ROBO2: variants seen among roughly 807,000 people sequenced by gnomAD.
ROBO2 encodes the protein roundabout homolog 2.
A neutral mutation model predicts 160.8 loss-of-function variants in ROBO2; 53 were observed. The ratio of observed to expected loss-of-function variants is 0.33; its 90% CI spans 0.26 to 0.41. The LOEUF is 0.41. ROBO2 is among the 10% of genes least tolerant of loss of function. The probability of loss-of-function intolerance (pLI) is 1.00; values close to 1 mark genes in which losing one functional copy is unlikely to be tolerated. For missense variants in ROBO2, 1,577 were observed against 1,722.4 expected (o/e 0.92, Z 1.49); for synonymous variants, 664 against 611.7 (o/e 1.09, Z -1.26).
chr3:76,304,738 T>TTTCCTTCCTTCCTTC (rs749689673), intron 2 of ROBO2, among the ~76,000 whole-genome samples: 2,986 of 28,698 alleles, frequency 0.1, 51 homozygotes, highest in Non-Finnish European at 0.18. Flanking sequence ...CTTTCTTTTC[T>TTTCCTTCCTTCCTTC]TTTCTTTCCT....
intron 2 of ROBO2, among the ~76,000 whole-genome samples, chr3:76,706,682 T>A (rs918788097): frequency 6.6e-6 from 1 of 152,180 alleles, no homozygotes; most frequent in East Asian, 1.9e-4. Context: ...ATTTTATTCT[T>A]ATTTGGAAAC....
At chr3:77,187,705 A>G (rs2081404021) in intron 2 of ROBO2, among the ~76,000 whole-genome samples, 1 of 151,930 alleles carries the variant, frequency 6.6e-6, no homozygotes, top group Non-Finnish European at 1.5e-5. Context: ...TTCATATTAA[A>G]TTGTAGAAAA....
intron 1 of ROBO2, among the ~76,000 whole-genome samples, chr3:77,047,268 C>G (rs2064764925): frequency 6.6e-6 from 1 of 152,184 alleles, no homozygotes; most frequent in Non-Finnish European, 1.5e-5. Context: ...GCAATCACTA[C>G]TGAATGAGTA....
At chr3:77,068,621 A>T (rs1354876974) in intron 1 of ROBO2, among the ~76,000 whole-genome samples, 1 of 152,144 alleles carries the variant, frequency 6.6e-6, no homozygotes, top group Non-Finnish European at 1.5e-5. Flanking sequence ...TTAAAATATA[A>T]TTCAAACTCA....
At chr3:77,388,334 A>G (rs2074353216) in intron 2 of ROBO2, among the ~76,000 whole-genome samples, 1 of 152,176 alleles carries the variant, frequency 6.6e-6, no homozygotes, top group Admixed American at 6.5e-5. Context: ...CAATCACTTA[A>G]GCCCAAGGAG....
At chr3:76,319,662 T>A (rs1576402090) in intron 2 of ROBO2, among the ~76,000 whole-genome samples, 1 of 152,028 alleles carries the variant, frequency 6.6e-6, no homozygotes, top group East Asian at 1.9e-4. Flanking sequence ...AGCTCCAGCA[T>A]TGAACCTGTT....
chr3:77,119,040 G>C (rs7649552), intron 2 of ROBO2, among the ~76,000 whole-genome samples: 26,393 of 151,964 alleles, frequency 0.17, 3,750 homozygotes, highest in African/African-American at 0.39. Context: ...GTGCTGCTCT[G>C]ATGAATGGTA....
rs146864664 is a variant in ROBO2 at position 76,697,957 on chromosome 3, A to G, written c.110-400057A>G. Among the ~76,000 whole-genome samples, 11 of 152,262 alleles carry G rather than the reference A, an allele frequency of 7.2e-5. No individual in the cohort carries two copies. The East Asian group carries it at 2.1e-3, about 29-fold the overall frequency. On this transcript the variant is annotated intron_variant, in intron 2 of 26. Transcript: ENST00000487694. ...ATGCCTGTAGAAGCTCCTCTATTTTATTCATTGGTTGGAAGAACTGGATGT... is the reference window on the plus strand; with the variant it reads ...ATGCCTGTAGAAGCTCCTCTATTTTGTTCATTGGTTGGAAGAACTGGATGT...
intron 5 of ROBO2, among the ~76,000 whole-genome samples, chr3:77,499,856 C>A (rs1172487148): frequency 6.6e-6 from 1 of 151,966 alleles, no homozygotes; most frequent in Non-Finnish European, 1.5e-5. Context: ...ACCATGTTGG[C>A]CAGGCTCGTC....
chr3:77,158,762 TAA>T (rs1340413205), intron 2 of ROBO2, among the ~76,000 whole-genome samples: 1 of 152,070 alleles, frequency 6.6e-6, no homozygotes, highest in Non-Finnish European at 1.5e-5. Context: ...GCGGAGCTGT[TAA>T]GTTATTTATT....
chr3:77,098,856 A>G (rs977295941), intron 2 of ROBO2, among the ~76,000 whole-genome samples: 6 of 124,744 alleles, frequency 4.8e-5, no homozygotes, highest in African/African-American at 2.9e-4. Context: ...ACTCCGTCTC[A>G]AAAAAACAAA....
intron 2 of ROBO2, among the ~76,000 whole-genome samples, chr3:77,342,120 T>C (rs2067131640): frequency 6.6e-6 from 1 of 152,142 alleles, no homozygotes; most frequent in Non-Finnish European, 1.5e-5. Context: ...GATATTCTAG[T>C]ATGGTACAAT....
chr3:77,206,376 G>A (rs1004766231), intron 2 of ROBO2, among the ~76,000 whole-genome samples: 9 of 151,932 alleles, frequency 5.9e-5, no homozygotes, highest in African/African-American at 2.2e-4. Flanking sequence ...TACCACACTG[G>A]CCAGGCTGGT....
rs181245956 is a variant in ROBO2, at chr3:76,708,203, T to C, written c.110-389811T>C. ...TTTCTTTGCCTAGAATACCCTAGCA[T>C]AGGGAAATATGAAAATATTTTCTCT... On this transcript the variant is annotated intron_variant, in intron 2 of 26. Transcript: ENST00000487694. 2.0e-5 allele frequency among the ~76,000 whole-genome samples: 3 copies of C among 152,290 alleles called. No individual in the cohort carries two copies. In the East Asian group the frequency reaches 5.8e-4, roughly 29 times the overall value.
chr3:77,293,600 C>A (rs1580777642), intron 2 of ROBO2, among the ~76,000 whole-genome samples: 1 of 144,998 alleles, frequency 6.9e-6, no homozygotes, highest in Non-Finnish European at 1.5e-5. Context: ...GGCTAGATCA[C>A]CCCAGACACA....
chr3:76,749,773 G>T (rs2093950456), intron 2 of ROBO2, among the ~76,000 whole-genome samples: 1 of 152,028 alleles, frequency 6.6e-6, no homozygotes, highest in African/African-American at 2.4e-5. Context: ...AGGGTGATTG[G>T]CAGTCTGTTG....
chr3:77,292,586 T>G (rs2061435917), intron 2 of ROBO2, among the ~76,000 whole-genome samples: 1 of 149,514 alleles, frequency 6.7e-6, no homozygotes, highest in Non-Finnish European at 1.5e-5. Flanking sequence ...ATGGGTAAGC[T>G]GAGGCCAGAT....
chr3:76,713,852 T>C (rs2107633827), intron 2 of ROBO2, among the ~76,000 whole-genome samples: 1 of 152,266 alleles, frequency 6.6e-6, no homozygotes, highest in South Asian at 2.1e-4. Context: ...TAAGCCATTA[T>C]TACTGGGAGG....
At chr3:76,088,211 G>C (rs2069095758) in intron 2 of ROBO2, among the ~76,000 whole-genome samples, 1 of 152,004 alleles carries the variant, frequency 6.6e-6, no homozygotes, top group African/African-American at 2.4e-5. Context: ...ACATCAGAGT[G>C]TTATAACATA....
Sources: gnomAD v4.1 joint callset for allele counts (sites outside exome capture counted in the v4.1 genomes callset) on GRCh38, gnomAD v4.1.1 for gene constraint, MANE v1.5 for transcripts, NCBI Gene and HGNC (gene_info 2026-07-23, HGNC 2026-07-21) for gene names.